Variants in CCDC122 observed in about 807,000 individuals in gnomAD.
CCDC122 encodes the protein coiled-coil domain containing 122.
Under a neutral mutation model 37.0 loss-of-function variants are expected in CCDC122, and 38 were observed. The observed-to-expected ratio is 1.03, with a 90% CI of 0.79 to 1.35. The LOEUF (loss-of-function observed/expected upper bound fraction) is 1.35. Among genes scored for constraint, CCDC122 ranks in the 40% most tolerant of loss-of-function variants. The pLI is 0.00. For synonymous variants in CCDC122, 83 were observed against 95.6 expected (o/e 0.87, Z 0.77); for missense variants, 305 against 310.0 (o/e 0.98, Z 0.12).
intron 1 of CCDC122, among the ~76,000 whole-genome samples, chr13:43,875,522 C>G (rs1954579003): frequency 6.6e-6 from 1 of 152,172 alleles, no homozygotes; most frequent in Admixed American, 6.5e-5. Flanking sequence ...TATGTAAAAA[C>G]AGAACTCTGA....
At chr13:43,857,212 C>T (rs1953943803) in intron 6 of CCDC122, among the ~76,000 whole-genome samples, 1 of 151,938 alleles carries the variant, frequency 6.6e-6, no homozygotes, top group African/African-American at 2.4e-5. Context: ...CCCAATGTTT[C>T]ACTGATTTGA....
chr13:43,853,510 A>T (rs1304633883), intron 6 of CCDC122, among the ~76,000 whole-genome samples: 1 of 152,226 alleles, frequency 6.6e-6, no homozygotes, highest in Non-Finnish European at 1.5e-5. Flanking sequence ...AGAGACCTTC[A>T]AACAGACTTA....
At chr13:43,819,351 GAT>G (rs1284327185), downstream of CCDC122, among the ~76,000 whole-genome samples, 1 of 152,140 alleles carries the variant, frequency 6.6e-6, no homozygotes, top group Non-Finnish European at 1.5e-5. Flanking sequence ...CTATTCCAAA[GAT>G]ATACTAGCTA....
chr13:43,842,567 T>A (rs759333627), intron 6 of CCDC122, among the ~76,000 whole-genome samples: 35 of 151,640 alleles, frequency 2.3e-4, no homozygotes, highest in Non-Finnish European at 4.3e-4. Context: ...CTGGAAAAAA[T>A]ACTTAGTGGG....
chr13:43,869,182 G>T (rs2153878809), intron 3 of CCDC122, 149 bp downstream of exon 3: 1 of 668,128 alleles, frequency 1.5e-6, no homozygotes, highest in South Asian at 1.7e-5. Flanking sequence ...ATATGCCTTT[G>T]CTAAACACTG....
chr13:43,824,697 A>G (rs1306609308), intron 3 of CCDC122, among the ~76,000 whole-genome samples: 1 of 152,246 alleles, frequency 6.6e-6, no homozygotes, highest in Non-Finnish European at 1.5e-5. Flanking sequence ...ACTTAAACAA[A>G]TCAACAAGAA....
chr13:43,842,252 T>C (rs1808206200), intron 6 of CCDC122, among the ~76,000 whole-genome samples: 1 of 152,192 alleles, frequency 6.6e-6, no homozygotes, highest in Non-Finnish European at 1.5e-5. Context: ...TACAGGTTCA[T>C]TGTTTCCTCA....
At chr13:43,836,286 T>C (rs959892722), downstream of CCDC122, 5 of 152,414 alleles carry the variant, frequency 3.3e-5, no homozygotes, top group African/African-American at 7.2e-5. Context: ...TGTTAGTCTA[T>C]AGTGAGTAAT....
intron 4 of CCDC122, among the ~76,000 whole-genome samples, chr13:43,867,225 G>C (rs913174349): frequency 6.6e-6 from 1 of 151,938 alleles, no homozygotes; most frequent in Non-Finnish European, 1.5e-5. Context: ...TCTGTCAAAT[G>C]CTCATCAACT....
rs1422036594 is a variant in CCDC122, at chr13:43,869,330, C to A, written c.46+1G>T. On this transcript the variant is annotated splice_donor_variant, in intron 3 of 6. Transcript: ENST00000444614. LOFTEE classifies it high-confidence loss of function. ...TTTATTTCTTAAGACTGTTTCATTACCTTCTTTAGGAAATCCTTGACTCTT... is the reference window on the plus strand; with the variant it reads ...TTTATTTCTTAAGACTGTTTCATTAACTTCTTTAGGAAATCCTTGACTCTT... 1 of 1,600,496 alleles carries A rather than the reference C, an allele frequency of 6.2e-7. No homozygotes were observed. The highest frequency in any genetic ancestry group is 8.6e-7 in the Non-Finnish European group (1 of 1,169,444).
chr13:43,833,367 T>C (rs1345763568), downstream of CCDC122, among the ~76,000 whole-genome samples: 1 of 152,226 alleles, frequency 6.6e-6, no homozygotes, highest in African/African-American at 2.4e-5. Flanking sequence ...GAGTTTCATA[T>C]GAGGCCTTTT....
chr13:43,858,050 T>C (rs1953981527), intron 6 of CCDC122: 1 of 152,182 alleles, frequency 6.6e-6, no homozygotes, highest in Non-Finnish European at 1.5e-5. Context: ...AACTAAAAGG[T>C]AAAATCGTGA....
chr13:43,855,377 A>ACC (rs1281606286), intron 6 of CCDC122: 1 of 151,894 alleles, frequency 6.6e-6, no homozygotes, highest in Non-Finnish European at 1.5e-5. Flanking sequence ...ACACACACAC[A>ACC]CACACACACA....
chr13:43,874,902 G>A lies in CCDC122; in HGVS notation c.-174C>T. 1 of 152,346 alleles carries A rather than the reference G, an allele frequency of 6.6e-6. No homozygotes were observed. Among genetic ancestry groups the A allele is most frequent in the East Asian group, 1.9e-4 (1 of 5,230 alleles). 9.4% of individuals were successfully genotyped at this position (152,346 alleles called of 1,614,324 possible). A position where few individuals can be genotyped will look rare whatever the true frequency, so the allele number is the denominator to read the frequency against. ...TAGGGATTACTTCCTTTTCTGGCCAGGCAATGAGATTAGAGTTTCAGGGCA... is the reference window on the plus strand; with the variant it reads ...TAGGGATTACTTCCTTTTCTGGCCAAGCAATGAGATTAGAGTTTCAGGGCA... On this transcript the variant is annotated 5_prime_UTR_variant, in exon 2 of 7. Coordinates refer to ENST00000444614, the MANE Select transcript of CCDC122 (RefSeq NM_144974.5).
At chr13:43,878,513 G>C (rs960747026) in intron 1 of CCDC122, among the ~76,000 whole-genome samples, 1 of 152,142 alleles carries the variant, frequency 6.6e-6, no homozygotes, top group Non-Finnish European at 1.5e-5. Context: ...CCAGCTATCT[G>C]AGATTATGAG....
intron 6 of CCDC122, among the ~76,000 whole-genome samples, chr13:43,852,459 C>T (rs1382955910): frequency 6.6e-6 from 1 of 151,944 alleles, no homozygotes; most frequent in East Asian, 1.9e-4. Context: ...AAGGAATGAA[C>T]AAAACCTCTG....
chr13:43,841,692 T>C lies in CCDC122; in HGVS notation c.673-4263A>G, dbSNP rs146159364. 2.0e-4 allele frequency among the ~76,000 whole-genome samples: 30 copies of C among 152,294 alleles called. No individual in the cohort carries two copies. The East Asian group carries it at 4.0e-3, about 21-fold the overall frequency. On this transcript the variant is annotated intron_variant, in intron 6 of 6. Coordinates refer to ENST00000444614, the MANE Select transcript of CCDC122 (RefSeq NM_144974.5). ...GTTGCAAATATTTTTACTTTTGTGA[T>C]TCTGTCTTTTCATTTTCTTTTGTTG...
intron 3 of CCDC122, among the ~76,000 whole-genome samples, chr13:43,827,109 C>G (rs1953047963): frequency 6.6e-6 from 1 of 152,106 alleles, no homozygotes; most frequent in Non-Finnish European, 1.5e-5. Context: ...ATATCAAACT[C>G]TTTTAAAGCA....
downstream of CCDC122, among the ~76,000 whole-genome samples, chr13:43,836,134 T>C (rs1953154342): frequency 6.6e-6 from 1 of 152,262 alleles, no homozygotes; most frequent in Non-Finnish European, 1.5e-5. Context: ...CAAATGAATA[T>C]TTTAAAACCA....
Sources: gnomAD v4.1 joint callset for allele counts (sites outside exome capture counted in the v4.1 genomes callset) on GRCh38, gnomAD v4.1.1 for gene constraint, MANE v1.5 for transcripts, NCBI Gene and HGNC (gene_info 2026-07-23, HGNC 2026-07-21) for gene names.